Variants in ARHGAP6 observed in about 807,000 individuals in gnomAD.
ARHGAP6 encodes rho GTPase-activating protein 6.
Under a neutral mutation model 55.7 loss-of-function variants are expected in ARHGAP6, and 16 were observed. That is an observed-to-expected ratio of 0.29 (90% CI 0.19 to 0.44). The LOEUF (loss-of-function observed/expected upper bound fraction) is 0.44. Among genes scored for constraint, ARHGAP6 ranks in the 20% least tolerant of loss-of-function variants. ARHGAP6 has a pLI of 1.00. For missense variants in ARHGAP6, 698 were observed against 808.9 expected (o/e 0.86, Z 1.66); for synonymous variants, 382 against 360.9 (o/e 1.06, Z -0.66).
chrX:11,612,453 A>AT (rs1370045225), intron 1 of ARHGAP6, among the ~76,000 whole-genome samples: 1 of 111,619 alleles, frequency 9.0e-6, no homozygotes, highest in Non-Finnish European at 1.9e-5. Context: ...CCTCAAATTC[A>AT]CATGTTAAAA....
intron 2 of ARHGAP6, among the ~76,000 whole-genome samples, chrX:11,234,729 A>G (rs1183181607): frequency 8.9e-6 from 1 of 112,716 alleles, no homozygotes; most frequent in Non-Finnish European, 1.9e-5. Context: ...ACTTACGTCC[A>G]CACAAAAACT....
At chrX:11,331,270 T>C (rs965174647) in intron 1 of ARHGAP6, among the ~76,000 whole-genome samples, 1 of 111,812 alleles carries the variant, frequency 8.9e-6, no homozygotes, top group Non-Finnish European at 1.9e-5. Flanking sequence ...ATAATCTAGA[T>C]GGACAGGCCT....
At chrX:11,609,202 C>G (rs1351830526) in intron 1 of ARHGAP6, among the ~76,000 whole-genome samples, 1 of 111,731 alleles carries the variant, frequency 9.0e-6, no homozygotes, top group Non-Finnish European at 1.9e-5. Context: ...AAAGAAGACC[C>G]TGGAGAAGTA....
chrX:11,521,126 G>C (rs2050920544), intron 1 of ARHGAP6, among the ~76,000 whole-genome samples: 1 of 112,059 alleles, frequency 8.9e-6, no homozygotes, highest in South Asian at 3.7e-4. Flanking sequence ...CACTCTGATA[G>C]TATTTTCTTT....
intron 1 of ARHGAP6, among the ~76,000 whole-genome samples, chrX:11,308,105 T>C (rs1766634342): frequency 8.9e-6 from 1 of 112,392 alleles, no homozygotes; most frequent in Non-Finnish European, 1.9e-5. Flanking sequence ...TGTGGCCTGA[T>C]CATATTGTTT....
intron 1 of ARHGAP6, among the ~76,000 whole-genome samples, chrX:11,621,928 C>T (rs1187790452): frequency 1.8e-5 from 2 of 111,591 alleles, no homozygotes; most frequent in African/African-American, 6.5e-5. Flanking sequence ...AAGTTACTAT[C>T]ATACACACAG....
chrX:11,326,135 T>C (rs1349049338), intron 1 of ARHGAP6, among the ~76,000 whole-genome samples: 1 of 108,358 alleles, frequency 9.2e-6, no homozygotes, highest in Middle Eastern at 4.7e-3. Flanking sequence ...TTCTTTCTTT[T>C]TTTTTTTTTT....
At chrX:11,431,010 T>C (rs1477316096) in intron 1 of ARHGAP6, among the ~76,000 whole-genome samples, 1 of 112,317 alleles carries the variant, frequency 8.9e-6, no homozygotes, top group Admixed American at 9.4e-5. Flanking sequence ...GGCATGTGGT[T>C]TTAAAATGCA....
chrX:11,340,207 A>G (rs2048685939), intron 1 of ARHGAP6, among the ~76,000 whole-genome samples: 1 of 111,817 alleles, frequency 8.9e-6, no homozygotes, highest in Non-Finnish European at 1.9e-5. Context: ...ACTGCAATGC[A>G]ATGAAGTACA....
rs940248238 is a variant in ARHGAP6 at position 11,138,053 on chromosome X, A to T, written c.*810T>A. The T allele has an allele frequency of 8.9e-6, 1 of 112,018 alleles. No individual in the cohort carries two copies. Among genetic ancestry groups the T allele is most frequent in the Non-Finnish European group, 1.9e-5 (1 of 53,244 alleles). The allele number at this position is 112,018 out of a possible 1,213,427, so 9.2% of individuals were successfully genotyped here. ...AAATTATACATTATAAATATATATT[A>T]TATATGGCCTATATAAAACTGAATT... On this transcript the variant is annotated 3_prime_UTR_variant, in exon 13 of 13. Transcript: ENST00000337414.
At chrX:11,193,938 T>C (rs2046497610) in intron 3 of ARHGAP6, among the ~76,000 whole-genome samples, 2 of 112,855 alleles carry the variant, frequency 1.8e-5, no homozygotes, top group Admixed American at 9.4e-5. Flanking sequence ...CTCATTCTGC[T>C]TAGTCTAGCC....
chrX:11,303,921 G>A (rs1396464438), intron 1 of ARHGAP6, among the ~76,000 whole-genome samples: 1 of 111,638 alleles, frequency 9.0e-6, no homozygotes, highest in Non-Finnish European at 1.9e-5. Context: ...TCATGTTAAT[G>A]AGCCCCAAGC....
intron 1 of ARHGAP6, among the ~76,000 whole-genome samples, chrX:11,272,278 T>C (rs1443929409): frequency 8.9e-6 from 1 of 111,810 alleles, no homozygotes; most frequent in Non-Finnish European, 1.9e-5. Context: ...TCAATTAGAC[T>C]GTCTGGGGTT....
At chrX:11,190,334 T>C (rs1023259829) in intron 3 of ARHGAP6, among the ~76,000 whole-genome samples, 1 of 110,375 alleles carries the variant, frequency 9.1e-6, no homozygotes, top group Non-Finnish European at 1.9e-5. Context: ...ACTTCTCCTT[T>C]GAGTGATCAA....
At chrX:11,274,584 T>A (rs1179277413) in intron 1 of ARHGAP6, among the ~76,000 whole-genome samples, 1 of 112,140 alleles carries the variant, frequency 8.9e-6, no homozygotes, top group Non-Finnish European at 1.9e-5. Context: ...CATTTCACTA[T>A]TTCAAACAGC....
intron 1 of ARHGAP6, among the ~76,000 whole-genome samples, chrX:11,363,735 A>C (rs147667942): frequency 0.01 from 1,175 of 112,395 alleles, 14 homozygotes; most frequent in African/African-American, 0.036. Flanking sequence ...AGACAACCTA[A>C]GTCGAAATTA....
At chrX:11,505,567 A>G (rs2050723365) in intron 1 of ARHGAP6, among the ~76,000 whole-genome samples, 2 of 111,526 alleles carry the variant, frequency 1.8e-5, no homozygotes, top group African/African-American at 6.5e-5. Context: ...CCAGAGGAAT[A>G]TAAATAATTC....
intron 1 of ARHGAP6, among the ~76,000 whole-genome samples, chrX:11,539,570 G>A (rs1601626778): frequency 8.9e-6 from 1 of 111,832 alleles, no homozygotes; most frequent in African/African-American, 3.3e-5. Context: ...TCAGACACTC[G>A]AGAGTAAACA....
chrX:11,460,445 T>A (rs2050233672), intron 1 of ARHGAP6, among the ~76,000 whole-genome samples: 1 of 111,688 alleles, frequency 9.0e-6, no homozygotes, highest in Admixed American at 9.5e-5. Context: ...TGACCCTGTA[T>A]GATCCTGAGT....
Sources: allele counts gnomAD v4.1 joint callset (sites outside exome capture counted in the v4.1 genomes callset), GRCh38; gene constraint gnomAD v4.1.1; transcripts MANE v1.5; gene names NCBI Gene and HGNC (gene_info 2026-07-23, HGNC 2026-07-21).